Variants in ZBTB16 observed in about 807,000 individuals in gnomAD.
The protein encoded by ZBTB16 is zinc finger and BTB domain containing 16.
Under a neutral mutation model 56.8 loss-of-function variants are expected in ZBTB16, and 8 were observed. That is an observed-to-expected ratio of 0.14 (90% confidence interval 0.08 to 0.25). ZBTB16 has a LOEUF of 0.25. Ranked by LOEUF, ZBTB16 falls within the 10% of genes least tolerant of loss-of-function variation. The pLI, the probability that ZBTB16 is intolerant of heterozygous loss-of-function variation, is 1.00. For synonymous variants in ZBTB16, 363 were observed against 368.5 expected (o/e 0.98, Z 0.17); for missense variants, 625 against 903.0 (o/e 0.69, Z 3.95).
At position 114,250,511 on chromosome 11, in the gene ZBTB16, G is replaced by A. The variant is rs1245442485; in HGVS notation, c.1978G>A (p.Asp660Asn). 4 of 1,614,140 alleles carry A rather than the reference G, an allele frequency of 2.5e-6. No individual in the cohort carries two copies. Among genetic ancestry groups the A allele is most frequent in the East Asian group, 2.2e-5 (1 of 44,866 alleles). The change falls in exon 7 of 7, where the codon GAC becomes AAC. Residue 660 changes from aspartate (D) to asparagine (N), a missense_variant. Physicochemically the swap from Asp to Asn is conservative, Grantham distance 23 (BLOSUM62 1). Coordinates refer to ENST00000335953, the MANE Select transcript of ZBTB16 (RefSeq NM_006006.6). This position sits in a 1 kb window ranked among gnomAD's most constrained non-coding sequence, Gnocchi z 6.0. ...CCACAAGCCCGAGGAGATCCCGCCC[G>A]ACTGGAGGATAGAGAAGACGTACCT... ...KGHKPEEIPP[D>N]WRIEKTYLYL... is the part of the protein sequence containing the mutation.
At chr11:114,210,205 G>GCGCGCC (rs1943973193) in intron 4 of ZBTB16, among the ~76,000 whole-genome samples, 2 of 146,870 alleles carry the variant, frequency 1.4e-5, no homozygotes, top group Non-Finnish European at 3.1e-5. Flanking sequence ...GTGCGCGCGC[G>GCGCGCC]TGCACAGTTT....
chr11:114,223,005 T>G (rs1425716128), intron 4 of ZBTB16, among the ~76,000 whole-genome samples: 1 of 151,770 alleles, frequency 6.6e-6, no homozygotes, highest in Non-Finnish European at 1.5e-5. Context: ...AGATAGGGAG[T>G]GTGCACCAGG....
chr11:114,072,284 C>T (rs1370281110), intron 2 of ZBTB16, among the ~76,000 whole-genome samples: 1 of 152,232 alleles, frequency 6.6e-6, no homozygotes, highest in Non-Finnish European at 1.5e-5. Context: ...ATCTCTTGTA[C>T]TGTGGTGGCC....
intron 2 of ZBTB16, among the ~76,000 whole-genome samples, chr11:114,102,264 T>C (rs1247876933): frequency 6.6e-6 from 1 of 152,214 alleles, no homozygotes; most frequent in African/African-American, 2.4e-5. Flanking sequence ...AAGGCTTTCT[T>C]ATCGTGGCTG....
At chr11:114,189,760 G>A (rs767700883) in intron 4 of ZBTB16, 2 of 136,800 alleles carry the variant, frequency 1.5e-5, no homozygotes, top group Non-Finnish European at 1.6e-5. Flanking sequence ...GTGAGACCCC[G>A]TCTCAAAAAA....
At position 114,139,032 on chromosome 11, in the gene ZBTB16, T is replaced by C. The variant is rs79794455; in HGVS notation, c.1269-17305T>C. Among the ~76,000 whole-genome samples, 645 of 152,268 alleles carry C rather than the reference T, an allele frequency of 4.2e-3. 9 individuals carry two copies. The highest frequency in any genetic ancestry group is 0.014 in the African/African-American group (602 of 41,554). On this transcript the variant is annotated intron_variant, in intron 2 of 6. Transcript: ENST00000335953. ...CAAGGCTCCTTACTCATTTCCTGCG[T>C]CTCACCTGCTCTCTCAGCCCAGTTT...
chr11:114,066,406 T>C (rs1166105197), intron 2 of ZBTB16, among the ~76,000 whole-genome samples: 1 of 152,202 alleles, frequency 6.6e-6, no homozygotes, highest in Non-Finnish European at 1.5e-5. Flanking sequence ...TTGTTTTTGC[T>C]CAAACTTTCC....
At chr11:114,142,753 G>A (rs1055936507) in intron 2 of ZBTB16, among the ~76,000 whole-genome samples, 3 of 142,786 alleles carry the variant, frequency 2.1e-5, no homozygotes, top group South Asian at 2.4e-4. Context: ...GGAGCATGGG[G>A]CCTTGGGGAG....
chr11:114,162,316 C>G (rs1163774496), intron 3 of ZBTB16, among the ~76,000 whole-genome samples: 2 of 152,172 alleles, frequency 1.3e-5, no homozygotes, highest in African/African-American at 2.4e-5. Flanking sequence ...TTTTTTGGAG[C>G]ACTGAGCTGT....
intron 4 of ZBTB16, among the ~76,000 whole-genome samples, chr11:114,234,501 C>T (rs899355870): frequency 9.2e-5 from 14 of 152,176 alleles, no homozygotes; most frequent in African/African-American, 3.4e-4. Flanking sequence ...CCTTCATTGC[C>T]CACATAGCTA....
At chr11:114,148,201 G>A (rs904161288) in intron 2 of ZBTB16, among the ~76,000 whole-genome samples, 1 of 151,998 alleles carries the variant, frequency 6.6e-6, no homozygotes, top group Non-Finnish European at 1.5e-5. Context: ...TATTCGGTGT[G>A]GTCATGGCCC....
chr11:114,146,109 G>A (rs1942092109), intron 2 of ZBTB16, among the ~76,000 whole-genome samples: 1 of 152,194 alleles, frequency 6.6e-6, no homozygotes, highest in Non-Finnish European at 1.5e-5. Flanking sequence ...GATATAGGGT[G>A]AGTAGCAGTG....
At chr11:114,158,721 A>T (rs1942492733) in intron 3 of ZBTB16, among the ~76,000 whole-genome samples, 1 of 152,132 alleles carries the variant, frequency 6.6e-6, no homozygotes, top group Non-Finnish European at 1.5e-5. Context: ...AAAATATTTA[A>T]CGCTATCTCG....
chr11:114,239,311 C>T (rs573306272), intron 4 of ZBTB16, among the ~76,000 whole-genome samples: 1 of 152,246 alleles, frequency 6.6e-6, no homozygotes, highest in East Asian at 1.9e-4. Flanking sequence ...AGCCTTGGCT[C>T]TTAAAGGGCA....
intron 3 of ZBTB16, among the ~76,000 whole-genome samples, chr11:114,156,785 C>T (rs1394528510): frequency 6.6e-6 from 1 of 152,214 alleles, no homozygotes; most frequent in South Asian, 2.1e-4. Flanking sequence ...TCACATTATA[C>T]AGGAGCCTTT....
At chr11:114,211,242 A>G (rs969355822) in intron 4 of ZBTB16, among the ~76,000 whole-genome samples, 1 of 152,084 alleles carries the variant, frequency 6.6e-6, no homozygotes, top group South Asian at 2.1e-4. Flanking sequence ...ATTGATTTCT[A>G]CCTTCTTCTC....
chr11:114,124,676 A>G (rs1438731561), intron 2 of ZBTB16, among the ~76,000 whole-genome samples: 3 of 152,174 alleles, frequency 2.0e-5, no homozygotes, highest in Non-Finnish European at 4.4e-5. Context: ...TCTCTTGGCC[A>G]TATCCCTGAA....
intron 2 of ZBTB16, among the ~76,000 whole-genome samples, chr11:114,117,989 C>A (rs1941226640): frequency 6.6e-6 from 1 of 152,130 alleles, no homozygotes. Flanking sequence ...CTAATTAATC[C>A]TTTGTAGTTA....
intron 2 of ZBTB16, among the ~76,000 whole-genome samples, chr11:114,108,777 A>G (rs2137773517): frequency 6.6e-6 from 1 of 152,360 alleles, no homozygotes; most frequent in South Asian, 2.1e-4. Flanking sequence ...GAGAAGTTCA[A>G]AGAGGTTAGA....
Sources: gnomAD v4.1 joint callset for allele counts (sites outside exome capture counted in the v4.1 genomes callset) on GRCh38, gnomAD v4.1.1 for gene constraint, Gnocchi (gnomAD v3.1) non-coding constraint, MANE v1.5 for transcripts, NCBI Gene and HGNC (gene_info 2026-07-23, HGNC 2026-07-21) for gene names.